Variants in ROS1 observed in about 807,000 individuals in gnomAD.
ROS1 encodes the protein proto-oncogene tyrosine-protein kinase ROS.
A neutral mutation model predicts 273.5 loss-of-function variants in ROS1; 263 were observed. That is an observed-to-expected ratio of 0.96 (90% CI 0.87 to 1.06). ROS1 has a LOEUF of 1.06. ROS1 is among the 50% of genes least tolerant of loss of function. The probability of loss-of-function intolerance (pLI) is 0.00; values close to 1 mark genes in which losing one functional copy is unlikely to be tolerated. For synonymous variants in ROS1, 1,008 were observed against 954.1 expected, an observed-to-expected ratio of 1.06 and a Z score of -1.04; for missense variants, 2,833 against 2,751.1, an observed-to-expected ratio of 1.03 and a Z score of -0.67.
intron 39 of ROS1, 40 bp downstream of exon 39, chr6:117,317,103 T>C (rs747814061): frequency 2.5e-6 from 4 of 1,590,114 alleles, no homozygotes; most frequent in Non-Finnish European, 3.4e-6. Context: ...TATAGGGCAT[T>C]TGCATTATGA....
chr6:117,414,313 T>C (rs1434114206), intron 4 of ROS1, among the ~76,000 whole-genome samples: 1 of 152,114 alleles, frequency 6.6e-6, no homozygotes, highest in Non-Finnish European at 1.5e-5. Context: ...ATTATATACA[T>C]GCACATAGAT....
At chr6:117,340,283 A>G (rs1388213786) in intron 31 of ROS1, among the ~76,000 whole-genome samples, 3 of 152,138 alleles carry the variant, frequency 2.0e-5, no homozygotes, top group African/African-American at 4.8e-5. Context: ...GTTTTTATCT[A>G]TAAAGTATAA....
chr6:117,358,987 T>C (rs1320533666), intron 24 of ROS1, among the ~76,000 whole-genome samples: 3 of 152,160 alleles, frequency 2.0e-5, no homozygotes, highest in Non-Finnish European at 4.4e-5. Flanking sequence ...TGGCTTGCTG[T>C]TGGCTTCTAG....
chr6:117,295,536 A>G (rs894193391), intron 43 of ROS1, among the ~76,000 whole-genome samples: 17 of 152,322 alleles, frequency 1.1e-4, no homozygotes, highest in African/African-American at 4.1e-4. Context: ...GGAAACAATC[A>G]ACAAAGTGAA....
chr6:117,416,994 G>A (rs1165591299), intron 2 of ROS1, among the ~76,000 whole-genome samples: 1 of 151,964 alleles, frequency 6.6e-6, no homozygotes, highest in Non-Finnish European at 1.5e-5. Flanking sequence ...CCACCCCTTT[G>A]GTGTTTGTGT....
intron 24 of ROS1, 59 bp from the exon 25 acceptor site, chr6:117,358,068 C>T: frequency 2.6e-6 from 3 of 1,167,720 alleles, no homozygotes; most frequent in Non-Finnish European, 3.7e-6. Flanking sequence ...TATTTGAAGA[C>T]TTTTCTATAT....
intron 18 of ROS1, among the ~76,000 whole-genome samples, chr6:117,378,710 C>T (rs748314443): frequency 5.9e-5 from 9 of 152,134 alleles, no homozygotes; most frequent in Non-Finnish European, 1.3e-4. Flanking sequence ...TGGTCCCTTT[C>T]ACTCTCTAAT....
rs1011035461 is a variant in ROS1 at position 117,389,401 on chromosome 6, A to T, written c.1735T>A (p.Ser579Thr). The T allele has an allele frequency of 2.7e-5, 43 of 1,614,042 alleles. No homozygotes were observed. The highest frequency in any genetic ancestry group is 3.6e-5 in the Non-Finnish European group (42 of 1,180,034). Residue 579 changes from serine to threonine, a missense_variant, in exon 13 of 44, where the codon TCT becomes ACT. Physicochemically the swap from Ser to Thr is moderately conservative, Grantham distance 58. Coordinates refer to ENST00000368507, the MANE Select transcript of ROS1 (RefSeq NM_001378902.1). Reference sequence around the variant, plus strand: ...TTCCATTGAACAAGAGCCTGGTGAGAGCCAAACAGCACCGAAAGCTCCTGC... The same window carrying T: ...TTCCATTGAACAAGAGCCTGGTGAGTGCCAAACAGCACCGAAAGCTCCTGC... Reference protein sequence around the residue: ...RPQELSVLFGSHQALVQWKPP... With the variant: ...RPQELSVLFGTHQALVQWKPP...
Position 117,366,172 on chromosome 6 carries a change from T to A in ROS1, c.2701A>T (p.Thr901Ser). Residue 901 changes from threonine to serine, a missense_variant, in exon 19 of 44, where the codon ACT becomes TCT. Transcript: ENST00000368507. ...CTGGTTTTCTGACCTATTTCTTGAGTTGTGATAATCCTAAAGCCATTGATC... is the reference window on the plus strand; with the variant it reads ...CTGGTTTTCTGACCTATTTCTTGAGATGTGATAATCCTAAAGCCATTGATC... Reference protein sequence around the residue: ...FWINGFRIITTQEIGQKTSVS... With the variant: ...FWINGFRIITSQEIGQKTSVS... The A allele has an allele frequency of 1.2e-6, 2 of 1,614,042 alleles. No individual in the cohort carries two copies. The highest frequency in any genetic ancestry group is 1.7e-6 in the Non-Finnish European group (2 of 1,179,962).
At chr6:117,315,640 G>T (rs747960586) in intron 39 of ROS1, among the ~76,000 whole-genome samples, 69 of 151,986 alleles carry the variant, frequency 4.5e-4, no homozygotes, top group Non-Finnish European at 8.5e-4. Context: ...AATAAAGGAC[G>T]TTTTCTCAAA....
intron 39 of ROS1, among the ~76,000 whole-genome samples, chr6:117,315,185 G>A (rs1367340222): frequency 2.0e-5 from 3 of 151,934 alleles, no homozygotes; most frequent in Middle Eastern, 6.3e-3. Flanking sequence ...AAAAGATTGG[G>A]GACAAAGTTG....
chr6:117,314,791 GA>G (rs1294978271), intron 39 of ROS1, among the ~76,000 whole-genome samples: 4 of 152,142 alleles, frequency 2.6e-5, no homozygotes, highest in Non-Finnish European at 5.9e-5. Context: ...ATATGTCAGG[GA>G]AAAGATTCAG....
At chr6:117,330,342 G>T (rs984301987) in intron 32 of ROS1, among the ~76,000 whole-genome samples, 6 of 152,228 alleles carry the variant, frequency 3.9e-5, no homozygotes, top group Non-Finnish European at 7.3e-5. Context: ...GAGCCCCTAG[G>T]GGGAGGGGTG....
At position 117,377,810 on chromosome 6, in the gene ROS1, G is replaced by A. The variant is rs1030621242; in HGVS notation, c.2582+1249C>T. Among the ~76,000 whole-genome samples, 4 of 150,358 alleles carry A rather than the reference G, an allele frequency of 2.7e-5. No homozygotes were observed. The East Asian group carries it at 7.9e-4, about 30-fold the overall frequency. On this transcript the variant is annotated intron_variant, in intron 18 of 43. Transcript: ENST00000368507. ...TATTCACAACACATATTTTGACAAAGTGCTTATATACAGAACAACCCAATA... is the reference window on the plus strand; with the variant it reads ...TATTCACAACACATATTTTGACAAAATGCTTATATACAGAACAACCCAATA...
chr6:117,395,696 T>C (rs1773434710), intron 9 of ROS1, among the ~76,000 whole-genome samples: 1 of 152,062 alleles, frequency 6.6e-6, no homozygotes, highest in African/African-American at 2.4e-5. Context: ...AAAGAAAGGG[T>C]GCTTACAAAA....
In ROS1 at chr6:117,404,339, C is replaced by G. The variant is rs2128726572; in HGVS notation, c.406G>C (p.Val136Leu). The G allele has an allele frequency of 6.2e-7, 1 of 1,613,960 alleles. No homozygotes were observed. The highest frequency in any genetic ancestry group is 8.5e-7 in the Non-Finnish European group (1 of 1,179,858). Residue 136 changes from valine (V) to leucine (L), a missense_variant, in exon 6 of 44, where the codon GTA becomes CTA. Physicochemically the swap from Val to Leu is conservative, Grantham distance 32 (BLOSUM62 1). Transcript: ENST00000368507. Reference protein sequence around the residue: ...LRWKSANFSGVKYIIQWKYAQ... With the variant: ...LRWKSANFSGLKYIIQWKYAQ... ...TATTTCCACTGAATGATGTATTTTACTCCAGAGAAGTTTGCAGATTTCCAT... is the reference window on the plus strand; with the variant it reads ...TATTTCCACTGAATGATGTATTTTAGTCCAGAGAAGTTTGCAGATTTCCAT...
chr6:117,291,468 A>G (rs1466946337), intron 43 of ROS1, among the ~76,000 whole-genome samples: 1 of 152,208 alleles, frequency 6.6e-6, no homozygotes, highest in Non-Finnish European at 1.5e-5. Context: ...CTAGCTGTGC[A>G]GTACACTATT....
Position 117,416,262 on chromosome 6 carries a change from T to A in ROS1, c.224A>T (p.Lys75Met). 1 of 1,576,374 alleles carries A rather than the reference T, an allele frequency of 6.3e-7. No homozygotes were observed. Among genetic ancestry groups the A allele is most frequent in the East Asian group, 2.2e-5 (1 of 44,702 alleles). ...AGAAATCTAATTAATACTTACACACTTTAAAGCACAGTTTTTCTGATCTAC... is the reference window on the plus strand; with the variant it reads ...AGAAATCTAATTAATACTTACACACATTAAAGCACAGTTTTTCTGATCTAC... ...NSVDQKNCAL[K>M]CNDTYATVCE... is the part of the protein sequence containing the mutation. The change falls in exon 3 of 44, where the codon AAG (lysine) becomes ATG (methionine). Residue 75 changes from lysine to methionine, a missense_variant. Lys to Met is a moderately conservative substitution (Grantham distance 95). Coordinates refer to ENST00000368507, the MANE Select transcript of ROS1 (RefSeq NM_001378902.1).
Position 117,394,741 on chromosome 6 carries a change from G to GA in ROS1, c.884-4dup, listed in dbSNP as rs764677382. On this transcript the variant is annotated splice_region_variant and splice_polypyrimidine_tract_variant and intron_variant, in intron 9 of 43. Transcript: ENST00000368507. Reference sequence around the variant, plus strand: ...GAGCCACTGTTCCTCTTGTTGAACTGAAAAAAACAACACAATTTGCAGACA... The same window carrying GA: ...GAGCCACTGTTCCTCTTGTTGAACTGAAAAAAAACAACACAATTTGCAGACA... 12 of 1,601,964 alleles carry GA rather than the reference G, an allele frequency of 7.5e-6. No individual in the cohort carries two copies. Among genetic ancestry groups the GA allele is most frequent in the East Asian group, 2.2e-5 (1 of 44,766 alleles).
Sources: allele counts gnomAD v4.1 joint callset (sites outside exome capture counted in the v4.1 genomes callset), GRCh38; gene constraint gnomAD v4.1.1; transcripts MANE v1.5; gene names NCBI Gene and HGNC (gene_info 2026-07-23, HGNC 2026-07-21).